Variants in DMD observed in about 807,000 individuals in gnomAD.
DMD encodes mutant dystrophin.
A neutral mutation model predicts 330.1 loss-of-function variants in DMD; 63 were observed. The ratio of observed to expected loss-of-function variants is 0.19; its 90% CI spans 0.16 to 0.24. The LOEUF is 0.24. DMD is among the 10% of genes least tolerant of loss of function. The probability of loss-of-function intolerance (pLI) is 1.00; values close to 1 mark genes in which losing one functional copy is unlikely to be tolerated. For missense variants in DMD, 3,344 were observed against 2,684.1 expected (o/e 1.25, Z -5.43); for synonymous variants, 1,223 against 959.8 (o/e 1.27, Z -5.07).
At chrX:32,820,760 G>A (rs2078174001) in intron 5 of DMD, among the ~76,000 whole-genome samples, 1 of 111,804 alleles carries the variant, frequency 8.9e-6, no homozygotes. Flanking sequence ...ATAAGATAAA[G>A]TCAACAATTC....
At chrX:32,277,815 G>C (rs1028542269) in intron 43 of DMD, among the ~76,000 whole-genome samples, 1 of 110,290 alleles carries the variant, frequency 9.1e-6, no homozygotes, top group Non-Finnish European at 1.9e-5. Context: ...AGCAAAACTA[G>C]TACTAAGAGA....
chrX:31,823,245 G>C (rs1180198077), intron 49 of DMD, among the ~76,000 whole-genome samples: 2 of 112,489 alleles, frequency 1.8e-5, no homozygotes, highest in East Asian at 2.8e-4. Context: ...TCAGGATTTT[G>C]AGCATTATTC....
At position 32,649,415 on chromosome X, in the gene DMD, G is replaced by A. The variant is rs367990142; in HGVS notation, c.961-4263C>T. On this transcript the variant is annotated intron_variant, in intron 9 of 78. Coordinates refer to ENST00000357033, the MANE Select transcript of DMD (RefSeq NM_004006.3). ...TAAAAATACAAAAAATTAGCCGGGC[G>A]CGGTGGCGGCGCCTGTAGTCCCAGT... 2.8e-4 allele frequency among the ~76,000 whole-genome samples: 30 copies of A among 109,001 alleles called. No individual in the cohort carries two copies. The East Asian group carries it at 4.1e-3, about 15-fold the overall frequency. The allele number at this position is 109,001 out of a possible 115,157, so 94.7% of individuals were successfully genotyped here.
intron 11 of DMD, among the ~76,000 whole-genome samples, chrX:32,626,730 C>A (rs2058368202): frequency 1.9e-5 from 2 of 103,590 alleles, no homozygotes; most frequent in Admixed American, 1.0e-4. Context: ...CTGATGGGTG[C>A]AGCAAACCAA....
chrX:31,400,910 T>C (rs952743106), intron 60 of DMD, among the ~76,000 whole-genome samples: 1 of 111,758 alleles, frequency 8.9e-6, no homozygotes, highest in Non-Finnish European at 1.9e-5. Flanking sequence ...ACGTTTCTCT[T>C]TGGCTCCAGT....
At chrX:32,196,540 T>C (rs73219250) in intron 44 of DMD, among the ~76,000 whole-genome samples, 155 of 112,586 alleles carry the variant, frequency 1.4e-3, no homozygotes, top group Non-Finnish European at 2.2e-3. Flanking sequence ...GCAATCATTA[T>C]AGATTCCACA....
chrX:31,432,871 AT>A (rs902258180), intron 60 of DMD, among the ~76,000 whole-genome samples: 2 of 112,479 alleles, frequency 1.8e-5, no homozygotes, highest in African/African-American at 6.5e-5. Context: ...TTTCTTATTT[AT>A]TTTTATGATT....
intron 2 of DMD, chrX:32,960,151 C>T (rs774246141): frequency 8.9e-6 from 1 of 111,996 alleles, no homozygotes; most frequent in Admixed American, 9.5e-5. Flanking sequence ...AAGTCTCAAC[C>T]GATGATTTAG....
intron 1 of DMD, among the ~76,000 whole-genome samples, chrX:33,188,362 T>C (rs2050361881): frequency 9.0e-6 from 1 of 110,812 alleles, no homozygotes; most frequent in Admixed American, 9.7e-5. Context: ...CCCTTTGCTC[T>C]TTTCGGACAC....
At chrX:32,225,609 C>T (rs1431229770) in intron 43 of DMD, among the ~76,000 whole-genome samples, 4 of 111,296 alleles carry the variant, frequency 3.6e-5, no homozygotes, top group African/African-American at 6.5e-5. Flanking sequence ...TGAGAGGTGA[C>T]TGGATCATCA....
intron 2 of DMD, among the ~76,000 whole-genome samples, chrX:32,907,683 T>C (rs868481768): frequency 2.7e-5 from 3 of 112,129 alleles, no homozygotes; most frequent in South Asian, 3.7e-4. Flanking sequence ...AGGGAATTTT[T>C]AGCCTAGTAA....
intron 15 of DMD, among the ~76,000 whole-genome samples, chrX:32,566,513 A>G (rs930158178): frequency 2.7e-5 from 3 of 112,692 alleles, no homozygotes; most frequent in African/African-American, 9.7e-5. Context: ...TTGAGTAATT[A>G]TTTTTTAAAA....
At chrX:32,668,317 C>T (rs1024098436) in intron 9 of DMD, among the ~76,000 whole-genome samples, 2 of 112,285 alleles carry the variant, frequency 1.8e-5, no homozygotes, top group Admixed American at 9.4e-5. Context: ...GTCCCTATGC[C>T]TATCAACTTT....
At chrX:31,931,453 T>G (rs1202717270) in intron 46 of DMD, among the ~76,000 whole-genome samples, 4 of 110,507 alleles carry the variant, frequency 3.6e-5, no homozygotes, top group South Asian at 7.8e-4. Context: ...GGATGTCTAT[T>G]CAACCAAATG....
chrX:32,891,001 G>A (rs1157995492), intron 2 of DMD, among the ~76,000 whole-genome samples: 1 of 111,919 alleles, frequency 8.9e-6, no homozygotes, highest in African/African-American at 3.2e-5. Context: ...TTTCACTAAC[G>A]TAAAATGTCT....
At chrX:31,303,438 G>A (rs996625763) in intron 62 of DMD, among the ~76,000 whole-genome samples, 9 of 111,597 alleles carry the variant, frequency 8.1e-5, no homozygotes, top group South Asian at 3.7e-4. Context: ...CTAACTCACT[G>A]TAAAGAATTA....
At chrX:33,210,789 T>G (rs2051860411) in intron 1 of DMD, among the ~76,000 whole-genome samples, 1 of 111,945 alleles carries the variant, frequency 8.9e-6, no homozygotes, top group Non-Finnish European at 1.9e-5. Context: ...TTTTATTCTT[T>G]ATTTTATCCA....
At chrX:31,578,498 G>C (rs1220144878) in intron 55 of DMD, among the ~76,000 whole-genome samples, 2 of 112,100 alleles carry the variant, frequency 1.8e-5, no homozygotes, top group African/African-American at 6.5e-5. Context: ...CAGACTATTA[G>C]GGTGGCCAGG....
At chrX:32,783,012 T>C (rs1351178986) in intron 7 of DMD, among the ~76,000 whole-genome samples, 2 of 100,537 alleles carry the variant, frequency 2.0e-5, no homozygotes, top group Admixed American at 1.1e-4. Context: ...CACACACACG[T>C]ATATATACAT....
Sources: allele counts gnomAD v4.1 joint callset (sites outside exome capture counted in the v4.1 genomes callset), GRCh38; gene constraint gnomAD v4.1.1; transcripts MANE v1.5; gene names NCBI Gene and HGNC (gene_info 2026-07-23, HGNC 2026-07-21).